CAMTA1: variants seen among roughly 807,000 people sequenced by gnomAD.
CAMTA1 encodes the protein calmodulin-binding transcription activator 1.
In CAMTA1, 27 loss-of-function variants were observed where a neutral mutation model predicts 170.9. The ratio of observed to expected loss-of-function variants is 0.16; its 90% CI spans 0.12 to 0.22. The LOEUF is 0.22. Among genes scored for constraint, CAMTA1 ranks in the 10% least tolerant of loss-of-function variants. The pLI is 1.00. For missense variants in CAMTA1, 1,619 were observed against 2,217.2 expected, an observed-to-expected ratio of 0.73 and a Z score of 5.42; for synonymous variants, 833 against 891.5, an observed-to-expected ratio of 0.93 and a Z score of 1.17.
chr1:7,530,288 C>T (rs544693550), intron 6 of CAMTA1, among the ~76,000 whole-genome samples: 2 of 152,332 alleles, frequency 1.3e-5, no homozygotes, highest in African/African-American at 4.8e-5. Context: ...TGAAAGGAAC[C>T]GAGGCTAATA....
intron 5 of CAMTA1, among the ~76,000 whole-genome samples, chr1:7,357,386 C>A (rs1439112087): frequency 6.6e-6 from 1 of 152,210 alleles, no homozygotes; most frequent in Non-Finnish European, 1.5e-5. Context: ...TAGGGGGCAG[C>A]GAGGCAGAGG....
At chr1:7,594,184 A>G (rs1057495624) in intron 6 of CAMTA1, among the ~76,000 whole-genome samples, 13 of 142,976 alleles carry the variant, frequency 9.1e-5, no homozygotes, top group Non-Finnish European at 1.8e-4. Flanking sequence ...GAAAGAAAAG[A>G]CAAGAAAGGA....
chr1:7,752,474 C>A lies in CAMTA1; in HGVS notation c.4899C>A (p.Thr1633=). 2 of 1,613,392 alleles carry A rather than the reference C, an allele frequency of 1.2e-6. No homozygotes were observed. The highest frequency in any genetic ancestry group is 1.1e-5 in the South Asian group (1 of 90,974). Residue 1633 remains threonine, a synonymous_variant, in exon 21 of 23, where the codon ACC becomes ACA. Coordinates refer to ENST00000303635, the MANE Select transcript of CAMTA1 (RefSeq NM_015215.4). Reference sequence around the variant, plus strand: ...ACTTTTTCAGGAGCAGTTTGCTAACCAAAAAGCAGGATCAAGCTGCTCGAA... The same window carrying A: ...ACTTTTTCAGGAGCAGTTTGCTAACAAAAAAGCAGGATCAAGCTGCTCGAA... ...VQQKLRSSLL[T]KKQDQAARKI... is the part of the protein sequence containing the mutation.
chr1:7,643,998 C>T (rs2095786379), intron 7 of CAMTA1, among the ~76,000 whole-genome samples: 1 of 152,242 alleles, frequency 6.6e-6, no homozygotes, highest in Non-Finnish European at 1.5e-5. Context: ...ACATTAGCTT[C>T]ATCCCATTTT....
At chr1:7,265,658 A>G (rs937145940) in intron 5 of CAMTA1, among the ~76,000 whole-genome samples, 32 of 152,374 alleles carry the variant, frequency 2.1e-4, no homozygotes, top group Middle Eastern at 3.4e-3. Flanking sequence ...TTTGTGGATT[A>G]CATGTTGAAA....
chr1:7,066,490 C>G (rs1024336727), intron 3 of CAMTA1, among the ~76,000 whole-genome samples: 33 of 152,244 alleles, frequency 2.2e-4, no homozygotes, highest in African/African-American at 7.7e-4. Context: ...TTACTGCTTT[C>G]AAGATAAACG....
chr1:7,750,401 A>G (rs774726605), intron 19 of CAMTA1, among the ~76,000 whole-genome samples: 10 of 152,344 alleles, frequency 6.6e-5, no homozygotes, highest in Admixed American at 5.2e-4. Flanking sequence ...CTTCATTGCA[A>G]CTTCTCATCC....
intron 4 of CAMTA1, among the ~76,000 whole-genome samples, chr1:7,150,340 A>G (rs746094058): frequency 1.6e-4 from 24 of 152,136 alleles, no homozygotes; most frequent in Non-Finnish European, 2.8e-4. Flanking sequence ...CTCCAACTGG[A>G]GGAAGTCAGA....
intron 3 of CAMTA1, among the ~76,000 whole-genome samples, chr1:7,001,664 C>T (rs1018951453): frequency 6.6e-6 from 1 of 152,188 alleles, no homozygotes; most frequent in Non-Finnish European, 1.5e-5. Context: ...TGCTGGTCTT[C>T]ACCACCTTTG....
chr1:6,788,749 G>A (rs1640168069), intron 1 of CAMTA1, among the ~76,000 whole-genome samples: 1 of 152,138 alleles, frequency 6.6e-6, no homozygotes, highest in Admixed American at 6.5e-5. Flanking sequence ...CGTGCAAGGC[G>A]CAGTGGAAGG....
intron 6 of CAMTA1, among the ~76,000 whole-genome samples, chr1:7,472,130 C>CG (rs1287665409): frequency 1.3e-5 from 2 of 152,142 alleles, no homozygotes; most frequent in African/African-American, 2.4e-5. Flanking sequence ...GTGGAGGCAG[C>CG]GGGGGGTCCT....
At chr1:7,684,146 C>T (rs2096238355) in intron 11 of CAMTA1, among the ~76,000 whole-genome samples, 1 of 152,214 alleles carries the variant, frequency 6.6e-6, no homozygotes. Context: ...TAGGAGGAAG[C>T]TTGCCTCTCA....
At chr1:7,183,227 A>C (rs771942176) in intron 4 of CAMTA1, among the ~76,000 whole-genome samples, 1 of 152,226 alleles carries the variant, frequency 6.6e-6, no homozygotes, top group African/African-American at 2.4e-5. Context: ...AGGAGGTGTC[A>C]TGTACCTTTT....
chr1:7,664,389 G>A lies in CAMTA1; in HGVS notation c.1842G>A (p.Pro614=), dbSNP rs138663975. Residue 614 remains proline, a synonymous_variant, in exon 9 of 23, where the codon CCG becomes CCA. Transcript: ENST00000303635. ...CCCACATCCACCAGACCCCCTCCCC[G>A]AGCTTCTTCCTGCAGGACGCCAGCA... ...HSPHIHQTPS[P]SFFLQDASKP... 765 of 1,613,526 alleles carry A rather than the reference G, an allele frequency of 4.7e-4. 6 individuals are homozygous for A. In the East Asian group the frequency reaches 0.012, roughly 25 times the overall value.
rs557861102 is a variant in CAMTA1, at chr1:7,190,198, T to C, written c.303-59293T>C. On this transcript the variant is annotated intron_variant, in intron 4 of 22. Transcript: ENST00000303635. Reference sequence around the variant, plus strand: ...GGTTCAGTGTATACTGCCTGGGAGATGGGTGCCCCAAAATCTCACAAATCA... The same window carrying C: ...GGTTCAGTGTATACTGCCTGGGAGACGGGTGCCCCAAAATCTCACAAATCA... 3.9e-5 allele frequency among the ~76,000 whole-genome samples: 6 copies of C among 152,242 alleles called. No homozygotes were observed. The South Asian group carries it at 1.2e-3, about 32-fold the overall frequency.
At chr1:6,869,518 A>G (rs2148972711) in intron 3 of CAMTA1, among the ~76,000 whole-genome samples, 2 of 152,280 alleles carry the variant, frequency 1.3e-5, no homozygotes, top group East Asian at 3.9e-4. Context: ...CTAGGGTTGC[A>G]TTGCCCCTTG....
At chr1:7,498,659 T>C (rs1472412101) in intron 6 of CAMTA1, among the ~76,000 whole-genome samples, 1 of 152,168 alleles carries the variant, frequency 6.6e-6, no homozygotes, top group Non-Finnish European at 1.5e-5. Context: ...TGTATGTGGA[T>C]GTATGACTAC....
chr1:7,712,863 G>A (rs938035142), intron 11 of CAMTA1, among the ~76,000 whole-genome samples: 2 of 152,108 alleles, frequency 1.3e-5, no homozygotes, highest in African/African-American at 4.8e-5. Flanking sequence ...ATGGCAGCAG[G>A]CGAGAGGACG....
chr1:7,267,414 A>G (rs1458825767), intron 5 of CAMTA1, among the ~76,000 whole-genome samples: 2 of 152,168 alleles, frequency 1.3e-5, no homozygotes, highest in Admixed American at 1.3e-4. Context: ...GTGCATTGGT[A>G]AAGTTTTAGG....
Sources: gnomAD v4.1 joint callset for allele counts (sites outside exome capture counted in the v4.1 genomes callset) on GRCh38, gnomAD v4.1.1 for gene constraint, MANE v1.5 for transcripts, NCBI Gene and HGNC (gene_info 2026-07-23, HGNC 2026-07-21) for gene names.